The following GGA3 variants were observed in gnomAD, a reference collection of about 807,000 sequenced individuals.
GGA3 encodes ADP-ribosylation factor-binding protein GGA3.
In GGA3, 57 loss-of-function variants were observed where a neutral mutation model predicts 77.5. That is an observed-to-expected ratio of 0.74 (90% CI 0.59 to 0.92). GGA3 has a LOEUF of 0.92. GGA3 is among the 40% of genes least tolerant of loss of function. The pLI is 0.00. For synonymous variants in GGA3, 416 were observed against 383.7 expected (o/e 1.08, Z -0.98); for missense variants, 970 against 914.9 (o/e 1.06, Z -0.78).
At position 75,238,676 on chromosome 17, in the gene GGA3, G is replaced by C. The variant is rs746713815; in HGVS notation, c.2037C>G (p.Val679=). ...PIQPPAAITQ[V]MLLANPLKEK... is the part of the protein sequence containing the mutation. ...CCTTCAGTGGATTGGCCAGCAACAT[G>C]ACCTGGGTGATGGCTGCAGGTGGCT... The change falls in exon 16 of 17, where the codon GTC becomes GTG. Residue 679 remains valine (V), a synonymous_variant. Transcript: ENST00000537686. 6.2e-7 allele frequency: 1 copy of C among 1,613,506 alleles called. No homozygotes were observed. The highest frequency in any genetic ancestry group is 2.2e-5 in the East Asian group (1 of 44,890).
Position 75,239,891 on chromosome 17 carries a change from G to C in GGA3, c.1481C>G (p.Pro494Arg). 1 of 1,613,804 alleles carries C rather than the reference G, an allele frequency of 6.2e-7. No homozygotes were observed. The highest frequency in any genetic ancestry group is 8.5e-7 in the Non-Finnish European group (1 of 1,179,874). The stretch of plus-strand genomic sequence containing the variant: ...CCCAGGGACTGCGGGCTCAACTTTT[G>C]GGGCCAAGGCTGGGGCCACTCCAGT... ...FSTGVAPALA[P>R]KVEPAVPGHH... The change falls in exon 13 of 17, where the codon CCA (proline) becomes CGA (arginine). Residue 494 changes from proline (P) to arginine (R), a missense_variant. By Grantham distance (103) the Pro-to-Arg change is moderately radical. Transcript: ENST00000537686.
chr17:75,256,552 G>A (rs2077158318), intron 1 of GGA3, among the ~76,000 whole-genome samples: 1 of 151,936 alleles, frequency 6.6e-6, no homozygotes, highest in Admixed American at 6.6e-5. Context: ...TTGATTTATT[G>A]ATGGCAGTTC....
At chr17:75,252,899 G>A (rs1023321655) in intron 1 of GGA3, among the ~76,000 whole-genome samples, 41 of 151,958 alleles carry the variant, frequency 2.7e-4, no homozygotes, top group Admixed American at 1.3e-4. Flanking sequence ...TAACTTCACC[G>A]CCTATCCCAA....
At chr17:75,261,412 G>A (rs1021212825) in intron 1 of GGA3, 136 bp downstream of exon 1, 3 of 590,428 alleles carry the variant, frequency 5.1e-6, no homozygotes, top group Admixed American at 4.1e-5. Context: ...GTGATCGCAG[G>A]CTGCTCGCGG....
At chr17:75,243,292 T>C (rs773192964) in intron 5 of GGA3, 126 bp from the exon 6 acceptor site, 1 of 1,134,690 alleles carries the variant, frequency 8.8e-7, no homozygotes, top group East Asian at 2.3e-5. Context: ...GGCAGGCTGC[T>C]ACACCTTATC....
At chr17:75,262,011 G>A (rs972770139), upstream of GGA3, 1 of 1,600,628 alleles carries the variant, frequency 6.2e-7, no homozygotes, top group Admixed American at 1.7e-5. Context: ...AGCGGCGGGG[G>A]GGCGCTGCGA....
At chr17:75,252,440 C>T (rs1441778226) in intron 1 of GGA3, among the ~76,000 whole-genome samples, 1 of 152,090 alleles carries the variant, frequency 6.6e-6, no homozygotes, top group Non-Finnish European at 1.5e-5. Context: ...GTCCCCTATT[C>T]CCCCACCTCT....
In GGA3 at chr17:75,238,705, T is replaced by G. The variant is rs1311888566; in HGVS notation, c.2008A>C (p.Ile670Leu). The stretch of plus-strand genomic sequence containing the variant: ...TGGGTGATGGCTGCAGGTGGCTGGA[T>G]GGGGCTAAATGGAGAGAGTTCTGTC... ...SGTELSPFSP[I>L]QPPAAITQVM... The change falls in exon 16 of 17, where the codon ATC (isoleucine) becomes CTC (leucine). Residue 670 changes from isoleucine (I) to leucine (L), a missense_variant. Ile to Leu is a conservative substitution (Grantham distance 5). Coordinates refer to ENST00000537686, the MANE Select transcript of GGA3 (RefSeq NM_138619.4). 28 of 1,613,952 alleles carry G rather than the reference T, an allele frequency of 1.7e-5. No individual in the cohort carries two copies. Among genetic ancestry groups the G allele is most frequent in the African/African-American group, 4.0e-5 (3 of 74,912 alleles).
chr17:75,245,708 A>G (rs2076731856), intron 3 of GGA3, among the ~76,000 whole-genome samples: 1 of 151,926 alleles, frequency 6.6e-6, no homozygotes, highest in African/African-American at 2.4e-5. Flanking sequence ...TATTTTTTGT[A>G]GAGACAATGT....
At chr17:75,260,267 T>C (rs1355420600) in intron 1 of GGA3, among the ~76,000 whole-genome samples, 1 of 152,250 alleles carries the variant, frequency 6.6e-6, no homozygotes, top group East Asian at 1.9e-4. Context: ...AATTCCACTC[T>C]GGTTATAGCA....
In GGA3 at chr17:75,240,888, G is replaced by A. The variant is rs1238227008; in HGVS notation, c.1116C>T (p.Ser372=). 6.2e-7 allele frequency: 1 copy of A among 1,613,808 alleles called. No homozygotes were observed. Among genetic ancestry groups the A allele is most frequent in the Admixed American group, 1.7e-5 (1 of 60,002 alleles). The change falls in exon 11 of 17, where the codon AGC becomes AGT. Residue 372 remains serine (S), a synonymous_variant. Coordinates refer to ENST00000537686, the MANE Select transcript of GGA3 (RefSeq NM_138619.4). The part of the protein sequence containing the change: ...ASGPPRSRSS[S]QAEATLGPSS... The stretch of plus-strand genomic sequence containing the variant: ...TGGGCCCCAGGGTGGCCTCGGCCTG[G>A]CTAGAGGAGCGGCTCCGTGGAGGTC...
chr17:75,258,248 C>T (rs1452330591), intron 1 of GGA3, among the ~76,000 whole-genome samples: 2 of 152,210 alleles, frequency 1.3e-5, no homozygotes, highest in Admixed American at 1.3e-4. Context: ...CACACAAAGC[C>T]TGTTTGGTAG....
intron 1 of GGA3, among the ~76,000 whole-genome samples, chr17:75,251,909 ACACT>A (rs1397750695): frequency 2.0e-5 from 3 of 151,192 alleles, no homozygotes; most frequent in Admixed American, 6.6e-5. Context: ...GGGACCACAG[ACACT>A]CACATCACAC....
chr17:75,261,863 C>T (rs766794747), upstream of GGA3: 9 of 1,593,824 alleles, frequency 5.6e-6, no homozygotes, highest in Admixed American at 3.4e-5. Flanking sequence ...TCAGGCGCGC[C>T]GAGGGCAGTC....
Position 75,261,553 on chromosome 17 carries a change from C to G in GGA3, c.35G>C (p.Trp12Ser). 6.5e-7 allele frequency: 1 copy of G among 1,545,554 alleles called. No individual in the cohort carries two copies. Among genetic ancestry groups the G allele is most frequent in the South Asian group, 1.2e-5 (1 of 82,858 alleles). Residue 12 changes from tryptophan (W) to serine (S), a missense_variant, in exon 1 of 17, where the codon TGG becomes TCG. Coordinates refer to ENST00000537686, the MANE Select transcript of GGA3 (RefSeq NM_138619.4). ...AEAEGESLESWLNKATNPSNR... is the reference protein window; with the variant it reads ...AEAEGESLESSLNKATNPSNR... ...AAACGGCCGCGGCTACTCACTGAGC[C>G]AGGACTCCAGGCTTTCCCCTTCCGC...
Position 75,238,163 on chromosome 17 carries a change from C to T in GGA3, c.*116G>A. The T allele has an allele frequency of 1.3e-6, 2 of 1,493,258 alleles. No homozygotes were observed. Among genetic ancestry groups the T allele is most frequent in the Non-Finnish European group, 1.8e-6 (2 of 1,123,398 alleles). The allele number at this position is 1,493,258 out of a possible 1,614,324, so 92.5% of individuals were successfully genotyped here. On this transcript the variant is annotated 3_prime_UTR_variant, in exon 17 of 17. Transcript: ENST00000537686. ...AGCAGAAATGCCCAGGGCCCCTGTT[C>T]CACATCAAAGCTACAAGCACTGTTG... is the stretch of plus-strand genomic sequence containing the variant.
chr17:75,238,532 G>T, intron 16 of GGA3, 120 bp downstream of exon 16: 1 of 965,060 alleles, frequency 1.0e-6, no homozygotes. Flanking sequence ...ACCTAAGGCA[G>T]CAAAGGGATG....
intron 12 of GGA3, 46 bp from the exon 13 acceptor site, chr17:75,240,154 G>GGGGGGGGGGGGGGGGC: frequency 6.4e-6 from 3 of 465,514 alleles, no homozygotes; most frequent in Non-Finnish European, 4.2e-6. Context: ...GGTGGGGAGG[G>GGGGGGGGGGGGGGGGC]CCTGCCGCTG....
rs1333768085 is a variant in GGA3, at chr17:75,243,427, G to T, written c.424+20C>A. The T allele has an allele frequency of 6.2e-7, 1 of 1,613,866 alleles. No individual in the cohort carries two copies. Among genetic ancestry groups the T allele is most frequent in the Middle Eastern group, 1.7e-4 (1 of 6,006 alleles). On this transcript the variant is annotated intron_variant, in intron 5 of 16. Coordinates refer to ENST00000537686, the MANE Select transcript of GGA3 (RefSeq NM_138619.4). Reference sequence around the variant, plus strand: ...AGCCTTCGAGGGCTGCCTGGAGGCTGCGGGCAGGCAGACACGTACCCTGTC... The same window carrying T: ...AGCCTTCGAGGGCTGCCTGGAGGCTTCGGGCAGGCAGACACGTACCCTGTC...
Sources: allele counts gnomAD v4.1 joint callset (sites outside exome capture counted in the v4.1 genomes callset), GRCh38; gene constraint gnomAD v4.1.1; transcripts MANE v1.5; gene names NCBI Gene and HGNC (gene_info 2026-07-23, HGNC 2026-07-21).